The following SHROOM2 variants were observed in gnomAD, a reference collection of about 807,000 sequenced individuals.
SHROOM2 encodes protein Shroom2.
A neutral mutation model predicts 75.9 loss-of-function variants in SHROOM2; 33 were observed. The ratio of observed to expected loss-of-function variants is 0.43; its 90% CI spans 0.33 to 0.58. The LOEUF (loss-of-function observed/expected upper bound fraction) is 0.58. SHROOM2 is among the 20% of genes least tolerant of loss of function. The pLI is 0.04. For missense variants in SHROOM2, 1,434 were observed against 1,461.2 expected, an observed-to-expected ratio of 0.98 and a Z score of 0.30; for synonymous variants, 655 against 663.6, an observed-to-expected ratio of 0.99 and a Z score of 0.20.
At chrX:9,794,839 C>T (rs141016832) in intron 1 of SHROOM2, among the ~76,000 whole-genome samples, 1,778 of 111,806 alleles carry the variant, frequency 0.016, 44 homozygotes, top group African/African-American at 0.056. Flanking sequence ...TCCCTCAAAC[C>T]CTCCCCAGTG....
intron 5 of SHROOM2, among the ~76,000 whole-genome samples, chrX:9,930,198 T>G (rs2084634662): frequency 9.0e-6 from 1 of 111,518 alleles, no homozygotes; most frequent in Non-Finnish European, 1.9e-5. Flanking sequence ...CCTCAACTCT[T>G]TGGCATGAAA....
At chrX:9,810,290 C>T (rs1412349330) in intron 1 of SHROOM2, among the ~76,000 whole-genome samples, 1 of 110,846 alleles carries the variant, frequency 9.0e-6, no homozygotes, top group Non-Finnish European at 1.9e-5. Context: ...ATTTGTAGTC[C>T]GGCCTGGATT....
intron 4 of SHROOM2, among the ~76,000 whole-genome samples, chrX:9,897,484 C>T (rs1372439992): frequency 9.6e-6 from 1 of 104,590 alleles, no homozygotes; most frequent in Non-Finnish European, 1.9e-5. Context: ...TTTGGAAGAC[C>T]GAGGAAGGAT....
intron 5 of SHROOM2, among the ~76,000 whole-genome samples, chrX:9,931,091 C>G (rs2084644102): frequency 9.0e-6 from 1 of 111,487 alleles, no homozygotes; most frequent in African/African-American, 3.3e-5. Flanking sequence ...CTGTTAGTGT[C>G]TGTCTGATGC....
At chrX:9,898,356 G>A (rs2084346822) in intron 5 of SHROOM2, 66 bp downstream of exon 5, 5 of 866,767 alleles carry the variant, frequency 5.8e-6, no homozygotes, top group Non-Finnish European at 8.1e-6. Flanking sequence ...TACGATGGGT[G>A]GGTGCTTGGT....
intron 2 of SHROOM2, among the ~76,000 whole-genome samples, chrX:9,881,518 G>A (rs1296094398): frequency 1.8e-5 from 2 of 111,990 alleles, no homozygotes; most frequent in Non-Finnish European, 3.8e-5. Flanking sequence ...GTGGACGTCT[G>A]GCTTACCATA....
intron 1 of SHROOM2, among the ~76,000 whole-genome samples, chrX:9,836,063 G>T (rs988541596): frequency 8.9e-6 from 1 of 112,078 alleles, no homozygotes; most frequent in Admixed American, 9.5e-5. Flanking sequence ...CCACCTGAAG[G>T]CATCTGCACA....
intron 2 of SHROOM2, among the ~76,000 whole-genome samples, chrX:9,885,813 C>T (rs1275698935): frequency 1.8e-5 from 2 of 109,157 alleles, no homozygotes; most frequent in African/African-American, 6.7e-5. Flanking sequence ...GTTAGCTTGG[C>T]GTGGTGGTGT....
chrX:9,938,559 T>C (rs756470050), intron 7 of SHROOM2, among the ~76,000 whole-genome samples: 13 of 111,718 alleles, frequency 1.2e-4, no homozygotes, highest in Non-Finnish European at 5.6e-5. Context: ...TCTCTTGAAA[T>C]AGAAATGAAA....
rs143485832 is a variant in SHROOM2 at position 9,943,638 on chromosome X, G to A, written c.4312-1003G>A. ...GACGGATGGTGGTGACAGGTGCATCGCAGCATGAATGTACCACACACCACA... is the reference window on the plus strand; with the variant it reads ...GACGGATGGTGGTGACAGGTGCATCACAGCATGAATGTACCACACACCACA... On this transcript the variant is annotated intron_variant, in intron 8 of 9. Coordinates refer to ENST00000380913, the MANE Select transcript of SHROOM2 (RefSeq NM_001649.4). Among the ~76,000 whole-genome samples, 217 of 111,686 alleles carry A rather than the reference G, an allele frequency of 1.9e-3. 1 individual carries two copies. Among genetic ancestry groups the A allele is most frequent in the African/African-American group, 6.5e-3 (201 of 30,737 alleles).
intron 2 of SHROOM2, among the ~76,000 whole-genome samples, chrX:9,874,891 A>G (rs1289356349): frequency 3.7e-5 from 4 of 107,069 alleles, no homozygotes; most frequent in Non-Finnish European, 7.7e-5. Flanking sequence ...CCTGGGCAAC[A>G]TAGTGGGACC....
chrX:9,888,923 G>A (rs985489935), intron 2 of SHROOM2, among the ~76,000 whole-genome samples: 2 of 112,262 alleles, frequency 1.8e-5, no homozygotes, highest in Non-Finnish European at 3.8e-5. Flanking sequence ...TTGAGTGTCA[G>A]ACGTTTTCTT....
intron 1 of SHROOM2, among the ~76,000 whole-genome samples, chrX:9,803,074 A>G (rs751619256): frequency 4.2e-4 from 45 of 107,157 alleles, no homozygotes; most frequent in Non-Finnish European, 7.5e-4. Context: ...GACCACAGGC[A>G]CACACCACCC....
chrX:9,930,506 CAAA>C (rs201521221), intron 5 of SHROOM2, among the ~76,000 whole-genome samples: 2 of 70,720 alleles, frequency 2.8e-5, no homozygotes. Context: ...GACCCTGTCT[CAAA>C]AAAAAAAAAA....
intron 1 of SHROOM2, among the ~76,000 whole-genome samples, chrX:9,826,146 G>T (rs144676299): frequency 8.9e-6 from 1 of 112,245 alleles, no homozygotes; most frequent in East Asian, 2.8e-4. Context: ...ATGTCTCACC[G>T]CCCTGTCCAG....
intron 5 of SHROOM2, among the ~76,000 whole-genome samples, chrX:9,914,253 C>G (rs1185487764): frequency 2.8e-5 from 3 of 108,985 alleles, no homozygotes; most frequent in Non-Finnish European, 3.8e-5. Flanking sequence ...GCTCTATTGC[C>G]CAGCCAGAGG....
intron 1 of SHROOM2, among the ~76,000 whole-genome samples, chrX:9,872,578 A>AG (rs1429063085): frequency 8.9e-6 from 1 of 111,787 alleles, no homozygotes; most frequent in Non-Finnish European, 1.9e-5. Context: ...AAAAGAAAAA[A>AG]GGGAAAAAAA....
intron 2 of SHROOM2, among the ~76,000 whole-genome samples, chrX:9,888,186 C>A (rs1184119935): frequency 8.9e-6 from 1 of 112,658 alleles, no homozygotes; most frequent in East Asian, 2.8e-4. Context: ...CTGGCTTGAG[C>A]AGCAGCAGAT....
Position 9,786,628 on chromosome X carries a change from A to C in SHROOM2, c.83A>C (p.Glu28Ala). 1 of 882,705 alleles carries C rather than the reference A, an allele frequency of 1.1e-6. No homozygotes were observed. Among genetic ancestry groups the C allele is most frequent in the Non-Finnish European group, 1.4e-6 (1 of 720,940 alleles). 72.7% of individuals were successfully genotyped at this position (882,705 alleles called of 1,213,427 possible). A position where few individuals can be genotyped will look rare whatever the true frequency, so the allele number is the denominator to read the frequency against. ...TRAADGGRLVEVQLSGGAPWG... is the reference protein window; with the variant it reads ...TRAADGGRLVAVQLSGGAPWG... Reference sequence around the variant, plus strand: ...GCGGCGGACGGCGGGCGCCTGGTGGAGGTGCAGCTGAGCGGCGGCGCCCCG... The same window carrying C: ...GCGGCGGACGGCGGGCGCCTGGTGGCGGTGCAGCTGAGCGGCGGCGCCCCG... The change falls in exon 1 of 10, where the codon GAG becomes GCG. Residue 28 changes from glutamate (E) to alanine (A), a missense_variant. By Grantham distance (107) the Glu-to-Ala change is moderately radical. Transcript: ENST00000380913.
Sources: gnomAD v4.1 joint callset for allele counts (sites outside exome capture counted in the v4.1 genomes callset) on GRCh38, gnomAD v4.1.1 for gene constraint, MANE v1.5 for transcripts, NCBI Gene and HGNC (gene_info 2026-07-23, HGNC 2026-07-21) for gene names.